The following TRIM14 variants were observed in gnomAD, a reference collection of about 807,000 sequenced individuals.
TRIM14 encodes the protein tripartite motif-containing protein 14.
TRIM14 carries 28 observed loss-of-function variants against 44.5 expected under a neutral mutation model. The ratio of observed to expected loss-of-function variants is 0.63; its 90% CI spans 0.47 to 0.86. The LOEUF is 0.86. Among genes scored for constraint, TRIM14 ranks in the 40% least tolerant of loss-of-function variants. The pLI is 0.00. For missense variants in TRIM14, 607 were observed against 611.1 expected (o/e 0.99, Z 0.07); for synonymous variants, 299 against 269.2 (o/e 1.11, Z -1.08).
the TRIM14 span, chr9:98,060,907 A>T: frequency 6.2e-6 from 10 of 1,614,050 alleles, no homozygotes; most frequent in Non-Finnish European, 8.5e-6. Context: ...AGCACAAACG[A>T]CATCTGGAGT....
intron 6 of TRIM14, chr9:98,076,725 T>G: frequency 3.6e-6 from 2 of 556,920 alleles, no homozygotes; most frequent in Non-Finnish European, 3.1e-6. Context: ...GGCTAATGGA[T>G]GGGTGGATGC....
chr9:98,057,135 A>G, the TRIM14 span, among the ~76,000 whole-genome samples: 14 of 152,348 alleles, frequency 9.2e-5, no homozygotes, highest in Non-Finnish European at 2.1e-4. Flanking sequence ...TTTCTGCATT[A>G]CAGCAGCTGC....
chr9:98,039,036 G>A, the TRIM14 span, among the ~76,000 whole-genome samples: 1 of 151,604 alleles, frequency 6.6e-6, no homozygotes, highest in African/African-American at 2.4e-5. Context: ...GCGACAGAGA[G>A]AGACTACGTC....
intron 4 of TRIM14, 152 bp from the exon 5 acceptor site, chr9:98,092,153 A>C (rs1318607378): frequency 1.8e-6 from 1 of 553,514 alleles, no homozygotes; most frequent in Non-Finnish European, 3.1e-6. Context: ...GGGACAGGAA[A>C]ACCCCAGGAT....
At chr9:98,110,063 T>A in intron 1 of TRIM14, 79 bp from the exon 2 acceptor site, 1 of 1,072,226 alleles carries the variant, frequency 9.3e-7, no homozygotes. Context: ...GGTCACCTCC[T>A]CTTACCCTTG....
chr9:98,112,017 G>A (rs951223669), intron 1 of TRIM14, among the ~76,000 whole-genome samples: 3 of 152,088 alleles, frequency 2.0e-5, no homozygotes, highest in Admixed American at 1.3e-4. Flanking sequence ...ATTATAAAAC[G>A]TCTGAATCAT....
intron 2 of TRIM14, among the ~76,000 whole-genome samples, chr9:98,106,671 T>C (rs1237033992): frequency 1.3e-5 from 2 of 152,174 alleles, no homozygotes; most frequent in Admixed American, 6.5e-5. Context: ...AAAATGCTGA[T>C]GAAAGAAAAC....
downstream of TRIM14, chr9:98,083,083 A>C (rs1395715348): frequency 1.9e-6 from 3 of 1,606,008 alleles, no homozygotes; most frequent in African/African-American, 1.3e-5. Flanking sequence ...CTGAATTCTC[A>C]GTTCCCTTGC....
At chr9:98,038,556 G>A in the TRIM14 span, among the ~76,000 whole-genome samples, 4 of 152,260 alleles carry the variant, frequency 2.6e-5, no homozygotes, top group East Asian at 7.7e-4. Context: ...TCACAAATGA[G>A]CCTAACTTGC....
the TRIM14 span, among the ~76,000 whole-genome samples, chr9:98,053,727 T>C: frequency 2.6e-5 from 4 of 152,084 alleles, no homozygotes; most frequent in Non-Finnish European, 5.9e-5. Flanking sequence ...TCCCTTTCTC[T>C]GCAGCTTCCA....
intron 6 of TRIM14, among the ~76,000 whole-genome samples, chr9:98,072,971 C>T (rs1829410100): frequency 6.6e-6 from 1 of 152,204 alleles, no homozygotes. Flanking sequence ...ACCGTCAGGG[C>T]TTCTGGTTGA....
chr9:98,103,836 CAAAAA>C (rs60368742), intron 2 of TRIM14, among the ~76,000 whole-genome samples: 2 of 74,578 alleles, frequency 2.7e-5, no homozygotes, highest in Non-Finnish European at 5.3e-5. Flanking sequence ...GACTCCGTCT[CAAAAA>C]AAAAAAAAAA....
At chr9:98,038,091 C>T in the TRIM14 span, among the ~76,000 whole-genome samples, 1 of 152,022 alleles carries the variant, frequency 6.6e-6, no homozygotes, top group African/African-American at 2.4e-5. Context: ...TTCTGTGTCA[C>T]CCAGGCTGTA....
Position 98,094,973 on chromosome 9 carries a change from G to A in TRIM14, c.594C>T (p.Cys198=), listed in dbSNP as rs1397070883. The A allele has an allele frequency of 3.1e-6, 5 of 1,614,114 alleles. No individual in the cohort carries two copies. The highest frequency in any genetic ancestry group is 4.2e-6 in the Non-Finnish European group (5 of 1,180,028). ...MQQQMSLGEL[C]HPVPLSFEPV... is the part of the protein sequence containing the mutation. ...GCTCAAAGGAGAGGGGCACGGGATG[G>A]CACAGCTCCCCGAGGCTCATCTGCT... Residue 198 remains cysteine (C), a synonymous_variant, in exon 4 of 6, where the codon TGC becomes TGT. Transcript: ENST00000341469.
At chr9:98,090,199 G>A (rs1825944568) in intron 5 of TRIM14, among the ~76,000 whole-genome samples, 1 of 152,194 alleles carries the variant, frequency 6.6e-6, no homozygotes, top group Non-Finnish European at 1.5e-5. Flanking sequence ...TAGGTGACAT[G>A]CTTATTTACA....
the TRIM14 span, among the ~76,000 whole-genome samples, chr9:98,039,536 GA>G: frequency 2.0e-5 from 3 of 152,296 alleles, no homozygotes; most frequent in South Asian, 2.1e-4. Flanking sequence ...CATAAGATTA[GA>G]AATTATGGTT....
the TRIM14 span, among the ~76,000 whole-genome samples, chr9:98,052,761 C>A: frequency 1.3e-5 from 2 of 152,204 alleles, no homozygotes; most frequent in Non-Finnish European, 2.9e-5. Flanking sequence ...TCTCCTTGGC[C>A]TCCCAATGTG....
At position 98,076,884 on chromosome 9, in the gene TRIM14, T is replaced by C; in HGVS notation, c.*29-7197A>G. ...TCATAACAACAGTGTTTTTGGACAA[T>C]GGTGAAAAGGAGCTCCCTCTTTGAT... is the stretch of plus-strand genomic sequence containing the variant. On this transcript the variant is annotated intron_variant, in intron 6 of 6. Transcript: ENST00000375098. 3 of 1,536,662 alleles carry C rather than the reference T, an allele frequency of 2.0e-6. No homozygotes were observed. The South Asian group carries it at 3.5e-5, about 18-fold the overall frequency.
At chr9:98,060,916 G>A in the TRIM14 span, 91 of 1,614,198 alleles carry the variant, frequency 5.6e-5, no homozygotes, top group African/African-American at 1.1e-3. Flanking sequence ...GACATCTGGA[G>A]TTCAGCCATG....
Sources: gnomAD v4.1 joint callset for allele counts (sites outside exome capture counted in the v4.1 genomes callset) on GRCh38, gnomAD v4.1.1 for gene constraint, MANE v1.5 for transcripts, NCBI Gene and HGNC (gene_info 2026-07-23, HGNC 2026-07-21) for gene names.